Variants in STC1 observed in about 807,000 individuals in gnomAD.
STC1 encodes the protein stanniocalcin-1.
STC1 carries 7 observed loss-of-function variants against 22.6 expected under a neutral mutation model. The ratio of observed to expected loss-of-function variants is 0.31; its 90% CI spans 0.18 to 0.58. The LOEUF is 0.58. Among genes scored for constraint, STC1 ranks in the 20% least tolerant of loss-of-function variants. The pLI, the probability that STC1 is intolerant of heterozygous loss-of-function variation, is 0.89. For missense variants in STC1, 224 were observed against 311.0 expected (o/e 0.72, Z 2.10); for synonymous variants, 113 against 120.7 (o/e 0.94, Z 0.42).
chr8:23,853,399 T>C (rs1164594323), intron 1 of STC1, among the ~76,000 whole-genome samples: 3 of 152,204 alleles, frequency 2.0e-5, no homozygotes, highest in African/African-American at 7.2e-5. Flanking sequence ...GCAGTTTTAA[T>C]ATGCATTAGG....
At chr8:23,849,978 G>T (rs1278543496) in intron 3 of STC1, among the ~76,000 whole-genome samples, 1 of 97,378 alleles carries the variant, frequency 1.0e-5, no homozygotes, top group Non-Finnish European at 2.0e-5. Context: ...GCCCACTTGA[G>T]AAAATGGTTG....
At position 23,843,879 on chromosome 8, in the gene STC1, A is replaced by G. The variant is rs533746106; in HGVS notation, c.*891T>C. 1 of 152,780 alleles carries G rather than the reference A, an allele frequency of 6.5e-6. No individual in the cohort carries two copies. Among genetic ancestry groups the G allele is most frequent in the Admixed American group, 6.5e-5 (1 of 15,310 alleles). 9.5% of individuals were successfully genotyped at this position (152,780 alleles called of 1,614,324 possible). A position where few individuals can be genotyped will look rare whatever the true frequency, so the allele number is the denominator to read the frequency against. Reference sequence around the variant, plus strand: ...AAGGCCACAAGGAGCATTTATGTGGATATCTGGAAGTGAGATAGTTATTCC... The same window carrying G: ...AAGGCCACAAGGAGCATTTATGTGGGTATCTGGAAGTGAGATAGTTATTCC... On this transcript the variant is annotated 3_prime_UTR_variant, in exon 4 of 4. Coordinates refer to ENST00000290271, the MANE Select transcript of STC1 (RefSeq NM_003155.3).
At chr8:23,850,021 C>A (rs908544385) in intron 3 of STC1, among the ~76,000 whole-genome samples, 1 of 152,082 alleles carries the variant, frequency 6.6e-6, no homozygotes, top group African/African-American at 2.4e-5. Flanking sequence ...CATTTAGAAC[C>A]CCATGATAAA....
Position 23,844,947 on chromosome 8 carries a change from G to A in STC1, c.567C>T (p.Asn189=). 1 of 1,614,196 alleles carries A rather than the reference G, an allele frequency of 6.2e-7. No homozygotes were observed. The highest frequency in any genetic ancestry group is 1.3e-5 in the African/African-American group (1 of 75,066). ...GCAGGATGTGGAAGAGGCTGGCCAT[G>A]TTAGGCCCAATTTTCTCCATCAGGC... is the stretch of plus-strand genomic sequence containing the variant. ...RDSLMEKIGP[N]MASLFHILQT... The change falls in exon 4 of 4, where the codon AAC becomes AAT. Residue 189 remains asparagine (N), a synonymous_variant. Transcript: ENST00000290271.
Position 23,844,705 on chromosome 8 carries a change from A to G in STC1, c.*65T>C, listed in dbSNP as rs1802549969. 1.9e-6 allele frequency: 3 copies of G among 1,570,404 alleles called. No homozygotes were observed. Among genetic ancestry groups the G allele is most frequent in the Non-Finnish European group, 1.7e-6 (2 of 1,150,324 alleles). ...ATCAAACCAGGCACAGTACACTCAAAACTGGTGTGTCAACACCCCTAAAAT... is the reference window on the plus strand; with the variant it reads ...ATCAAACCAGGCACAGTACACTCAAGACTGGTGTGTCAACACCCCTAAAAT... On this transcript the variant is annotated 3_prime_UTR_variant, in exon 4 of 4. Coordinates refer to ENST00000290271, the MANE Select transcript of STC1 (RefSeq NM_003155.3).
Position 23,854,731 on chromosome 8 carries a change from C to G in STC1, c.-208G>C. The G allele has an allele frequency of 1.5e-6, 1 of 658,166 alleles. No homozygotes were observed. The allele number at this position is 658,166 out of a possible 1,614,324, so 40.8% of individuals were successfully genotyped here. Reference sequence around the variant, plus strand: ...GCTGCTGCTGCTGCTGCCGCCGCTGCTGCTGCTGCTGCCACCGCCGCTGCT... The same window carrying G: ...GCTGCTGCTGCTGCTGCCGCCGCTGGTGCTGCTGCTGCCACCGCCGCTGCT... On this transcript the variant is annotated 5_prime_UTR_variant, in exon 1 of 4. Transcript: ENST00000290271.
intron 3 of STC1, among the ~76,000 whole-genome samples, chr8:23,846,470 G>T (rs183394928): frequency 6.6e-6 from 1 of 152,294 alleles, no homozygotes; most frequent in East Asian, 1.9e-4. Context: ...AAGGATCTCT[G>T]GGGCCACCAG....
intron 1 of STC1, among the ~76,000 whole-genome samples, chr8:23,853,353 A>G (rs575707860): frequency 1.3e-5 from 2 of 152,090 alleles, no homozygotes; most frequent in Admixed American, 6.5e-5. Flanking sequence ...CCCTAATTAT[A>G]TATTTCCACG....
At chr8:23,850,047 T>C (rs1283270541) in intron 3 of STC1, among the ~76,000 whole-genome samples, 1 of 152,218 alleles carries the variant, frequency 6.6e-6, no homozygotes, top group Non-Finnish European at 1.5e-5. Context: ...TTCCAAGGAC[T>C]AGAGAAGTGA....
intron 3 of STC1, among the ~76,000 whole-genome samples, chr8:23,845,857 C>T (rs1207625247): frequency 6.6e-6 from 1 of 152,162 alleles, no homozygotes; most frequent in Non-Finnish European, 1.5e-5. Flanking sequence ...TTGCTAACCT[C>T]TTCCCTTTTT....
intron 1 of STC1, chr8:23,853,901 G>T: frequency 2.0e-6 from 1 of 512,080 alleles, no homozygotes; most frequent in Non-Finnish European, 2.5e-6. Context: ...CCCTGGATTT[G>T]TCAGACTTGA....
chr8:23,854,308 T>C, intron 1 of STC1, 98 bp downstream of exon 1: 1 of 1,164,866 alleles, frequency 8.6e-7, no homozygotes, highest in Non-Finnish European at 1.3e-6. Flanking sequence ...GAAGCACATT[T>C]ATTATCAAGA....
intron 3 of STC1, among the ~76,000 whole-genome samples, chr8:23,848,709 T>G (rs950495322): frequency 5.9e-5 from 9 of 152,078 alleles, no homozygotes; most frequent in Non-Finnish European, 7.4e-5. Flanking sequence ...CCTGACCTTT[T>G]TTTTTTTGAT....
chr8:23,852,722 G>A (rs146676708), intron 1 of STC1, among the ~76,000 whole-genome samples: 278 of 152,102 alleles, frequency 1.8e-3, no homozygotes, highest in African/African-American at 6.5e-3. Flanking sequence ...TAGAATCAAA[G>A]GTCATTGCTT....
At chr8:23,852,504 G>T in intron 1 of STC1, 120 bp from the exon 2 acceptor site, 1 of 1,073,380 alleles carries the variant, frequency 9.3e-7, no homozygotes, top group Non-Finnish European at 1.3e-6. Context: ...CTAGGAATCT[G>T]TCATGAGGGG....
At chr8:23,847,722 G>T (rs1470972396) in intron 3 of STC1, among the ~76,000 whole-genome samples, 1 of 152,218 alleles carries the variant, frequency 6.6e-6, no homozygotes, top group Non-Finnish European at 1.5e-5. Context: ...TATTTAAGAG[G>T]TTGTGTCTCC....
Position 23,851,645 on chromosome 8 carries a change from G to C in STC1, c.262-114C>G, listed in dbSNP as rs570459838. Reference sequence around the variant, plus strand: ...TCTGGGCAACGTATCATGGCCATCTGCATATCCTTGCAATGAGAAGATTGC... The same window carrying C: ...TCTGGGCAACGTATCATGGCCATCTCCATATCCTTGCAATGAGAAGATTGC... On this transcript the variant is annotated intron_variant, in intron 2 of 3. Transcript: ENST00000290271. 3.7e-6 allele frequency: 3 copies of C among 808,568 alleles called. No individual in the cohort carries two copies. In the African/African-American group the frequency reaches 5.2e-5, roughly 14 times the overall value. The allele number at this position is 808,568 out of a possible 1,614,324, so 50.1% of individuals were successfully genotyped here. A position where few individuals can be genotyped will look rare whatever the true frequency, so the allele number is the denominator to read the frequency against.
rs937315630 is a variant in STC1, at chr8:23,852,172, C to T, written c.261+70G>A. On this transcript the variant is annotated intron_variant, in intron 2 of 3. Coordinates refer to ENST00000290271, the MANE Select transcript of STC1 (RefSeq NM_003155.3). ...GGCTGGTTCCCTACAAGACTGGTTCCTAAGAACCATGGTCTAACACACTGT... is the reference window on the plus strand; with the variant it reads ...GGCTGGTTCCCTACAAGACTGGTTCTTAAGAACCATGGTCTAACACACTGT... The T allele has an allele frequency of 3.1e-6, 5 of 1,594,088 alleles. No homozygotes were observed. The Admixed American group carries it at 5.0e-5, about 16-fold the overall frequency.
chr8:23,854,109 T>C, intron 1 of STC1: 1 of 1,218,730 alleles, frequency 8.2e-7, no homozygotes, highest in Non-Finnish European at 1.0e-6. Context: ...AAGCCTTTCC[T>C]CCCCTCTCAC....
Sources: gnomAD v4.1 joint callset for allele counts (sites outside exome capture counted in the v4.1 genomes callset) on GRCh38, gnomAD v4.1.1 for gene constraint, MANE v1.5 for transcripts, NCBI Gene and HGNC (gene_info 2026-07-23, HGNC 2026-07-21) for gene names.